Variants in ESRRG observed in about 807,000 individuals in gnomAD.
ESRRG encodes estrogen related receptor gamma.
A neutral mutation model predicts 44.0 loss-of-function variants in ESRRG; 13 were observed. The observed-to-expected ratio is 0.30, with a 90% CI of 0.19 to 0.47. The LOEUF (loss-of-function observed/expected upper bound fraction) is 0.47. Ranked by LOEUF, ESRRG falls within the 20% of genes least tolerant of loss-of-function variation. The pLI is 1.00. For missense variants in ESRRG, 395 were observed against 580.6 expected (o/e 0.68, Z 3.29); for synonymous variants, 215 against 214.6 (o/e 1.00, Z -0.02).
At chr1:217,130,049 A>T (rs2092943980) in intron 1 of ESRRG, among the ~76,000 whole-genome samples, 1 of 152,202 alleles carries the variant, frequency 6.6e-6, no homozygotes, top group Admixed American at 6.5e-5. Context: ...TTCTTCCTAT[A>T]CAAAATAATT....
chr1:217,099,985 G>GAAA (rs5780965), intron 1 of ESRRG, among the ~76,000 whole-genome samples: 159 of 137,044 alleles, frequency 1.2e-3, no homozygotes, highest in African/African-American at 3.8e-3. Flanking sequence ...TTTTTATCCA[G>GAAA]AAAAAAAAAA....
rs149681948 is a variant in ESRRG at position 216,648,538 on chromosome 1, T to C, written c.589+2435A>G. Among the ~76,000 whole-genome samples, 787 of 152,274 alleles carry C rather than the reference T, an allele frequency of 5.2e-3. 6 individuals carry two copies. Among genetic ancestry groups the C allele is most frequent in the African/African-American group, 0.017 (721 of 41,550 alleles). On this transcript the variant is annotated intron_variant, in intron 3 of 6. Coordinates refer to ENST00000408911, the MANE Select transcript of ESRRG (RefSeq NM_001438.4). The stretch of plus-strand genomic sequence containing the variant: ...TGTTTAATTAAACACAGTTCACACC[T>C]CTTCATTCACTCTTACCGCCCTTCA...
At chr1:216,520,499 C>T (rs968847702) in intron 5 of ESRRG, among the ~76,000 whole-genome samples, 2 of 152,018 alleles carry the variant, frequency 1.3e-5, no homozygotes, top group Admixed American at 1.3e-4. Context: ...GGAAGCAGTA[C>T]AATTAAGCCT....
chr1:216,657,464 C>T (rs1171881913), intron 2 of ESRRG, among the ~76,000 whole-genome samples: 1 of 152,068 alleles, frequency 6.6e-6, no homozygotes, highest in African/African-American at 2.4e-5. Flanking sequence ...TATATTATAC[C>T]TCATTTTCAC....
At chr1:216,831,908 T>C (rs900314314) in intron 2 of ESRRG, among the ~76,000 whole-genome samples, 1 of 152,162 alleles carries the variant, frequency 6.6e-6, no homozygotes, top group Non-Finnish European at 1.5e-5. Context: ...AATAGAAGAC[T>C]ATTATTTATT....
intron 1 of ESRRG, among the ~76,000 whole-genome samples, chr1:217,006,726 G>T (rs1187068388): frequency 2.6e-5 from 4 of 151,906 alleles, no homozygotes; most frequent in Non-Finnish European, 5.9e-5. Flanking sequence ...AAATTATTTT[G>T]CAAGAAACAA....
At chr1:217,048,338 C>T (rs528680047) in intron 1 of ESRRG, among the ~76,000 whole-genome samples, 1 of 152,112 alleles carries the variant, frequency 6.6e-6, no homozygotes, top group Non-Finnish European at 1.5e-5. Flanking sequence ...AGACTTCAGA[C>T]AGCCATGATG....
At position 216,988,302 on chromosome 1, in the gene ESRRG, A is replaced by G. The variant is rs11572448; in HGVS notation, c.-105-48629T>C. On this transcript the variant is annotated intron_variant, in intron 1 of 7. Coordinates refer to the ESRRG transcript ENST00000359162. ...GACATTTGAGGGTGAGAAATTACTT[A>G]CCATCAGGATTTAGGTATTCCATTA... Among the ~76,000 whole-genome samples, 659 of 152,348 alleles carry G rather than the reference A, an allele frequency of 4.3e-3. 1 individual carries two copies. Among genetic ancestry groups the G allele is most frequent in the Non-Finnish European group, 7.3e-3 (495 of 68,040 alleles).
intron 3 of ESRRG, among the ~76,000 whole-genome samples, chr1:216,626,322 C>G (rs575643485): frequency 6.6e-6 from 1 of 152,246 alleles, no homozygotes; most frequent in African/African-American, 2.4e-5. Flanking sequence ...TATCAGCAAA[C>G]CCAGGATTCT....
At chr1:216,755,699 C>T (rs2092399293) in intron 2 of ESRRG, among the ~76,000 whole-genome samples, 1 of 151,988 alleles carries the variant, frequency 6.6e-6, no homozygotes, top group Admixed American at 6.6e-5. Context: ...TCAGAGCAAT[C>T]AGTAGATGTT....
intron 2 of ESRRG, among the ~76,000 whole-genome samples, chr1:216,898,697 T>C (rs536158107): frequency 6.8e-6 from 1 of 147,418 alleles, no homozygotes; most frequent in African/African-American, 2.4e-5. Flanking sequence ...ACAGCTTTTA[T>C]ACCCTGAAAG....
intron 5 of ESRRG, among the ~76,000 whole-genome samples, chr1:216,519,929 A>G (rs140880737): frequency 3.3e-5 from 5 of 152,176 alleles, no homozygotes; most frequent in African/African-American, 7.2e-5. Flanking sequence ...TATAATATTA[A>G]TAATTACAAG....
intron 1 of ESRRG, among the ~76,000 whole-genome samples, chr1:217,056,496 T>C (rs1466178456): frequency 6.6e-6 from 1 of 151,888 alleles, no homozygotes; most frequent in Non-Finnish European, 1.5e-5. Context: ...CTGAGTTGTC[T>C]AGAACATGGT....
chr1:216,701,007 C>T (rs2081287630), intron 1 of ESRRG, among the ~76,000 whole-genome samples: 1 of 152,104 alleles, frequency 6.6e-6, no homozygotes, highest in Non-Finnish European at 1.5e-5. Context: ...TATTATGACT[C>T]ATTTCGACTT....
intron 1 of ESRRG, among the ~76,000 whole-genome samples, chr1:217,079,490 G>A (rs569584216): frequency 4.6e-5 from 7 of 152,142 alleles, no homozygotes; most frequent in Non-Finnish European, 7.3e-5. Context: ...CCACACTATT[G>A]TTTAGGAATA....
At chr1:216,782,497 C>T (rs2093971780) in intron 2 of ESRRG, among the ~76,000 whole-genome samples, 1 of 152,024 alleles carries the variant, frequency 6.6e-6, no homozygotes, top group Non-Finnish European at 1.5e-5. Context: ...GCCTCAATCA[C>T]CTTTTAACTT....
chr1:216,621,081 C>T (rs996414907), intron 3 of ESRRG, among the ~76,000 whole-genome samples: 6 of 151,958 alleles, frequency 3.9e-5, no homozygotes, highest in African/African-American at 1.2e-4. Flanking sequence ...TAGAAGCAGC[C>T]CCAGATATGT....
intron 2 of ESRRG, among the ~76,000 whole-genome samples, chr1:216,784,289 T>A (rs10495036): frequency 0.098 from 14,838 of 152,092 alleles, 966 homozygotes; most frequent in East Asian, 0.2. Context: ...AGTTAATTGT[T>A]GTCAAGATTT....
intron 1 of ESRRG, among the ~76,000 whole-genome samples, chr1:217,009,352 G>T (rs569071326): frequency 6.6e-6 from 1 of 152,184 alleles, no homozygotes; most frequent in Middle Eastern, 3.4e-3. Flanking sequence ...TGCCTACAAG[G>T]GATGCCACAC....
Sources: gnomAD v4.1 joint callset for allele counts (sites outside exome capture counted in the v4.1 genomes callset) on GRCh38, gnomAD v4.1.1 for gene constraint, MANE v1.5 for transcripts, NCBI Gene and HGNC (gene_info 2026-07-23, HGNC 2026-07-21) for gene names.